ASTN2: variants seen among roughly 807,000 people sequenced by gnomAD.
The protein encoded by ASTN2 is astrotactin-2.
In ASTN2, 54 loss-of-function variants were observed where a neutral mutation model predicts 139.8. That is an observed-to-expected ratio of 0.39 (90% CI 0.31 to 0.48). The LOEUF (loss-of-function observed/expected upper bound fraction) is 0.48, where lower values mean the gene tolerates loss of function less well. ASTN2 is among the 20% of genes least tolerant of loss of function. The pLI, the probability that ASTN2 is intolerant of heterozygous loss-of-function variation, is 0.95. For missense variants in ASTN2, 1,565 were observed against 1,725.1 expected, an observed-to-expected ratio of 0.91 and a Z score of 1.64; for synonymous variants, 756 against 719.5, an observed-to-expected ratio of 1.05 and a Z score of -0.81.
intron 5 of ASTN2, among the ~76,000 whole-genome samples, chr9:117,045,565 C>T (rs369339810): frequency 2.6e-5 from 4 of 152,118 alleles, no homozygotes; most frequent in Non-Finnish European, 4.4e-5. Context: ...TTAAGAAATT[C>T]GACCGGAAAT....
chr9:116,884,961 G>A (rs1243022785), intron 10 of ASTN2, among the ~76,000 whole-genome samples: 8 of 151,522 alleles, frequency 5.3e-5, no homozygotes, highest in Non-Finnish European at 1.0e-4. Context: ...GATTACAGGC[G>A]CCCGCCACTG....
chr9:116,806,494 A>T (rs1409421453), intron 12 of ASTN2, among the ~76,000 whole-genome samples: 2 of 152,226 alleles, frequency 1.3e-5, no homozygotes, highest in African/African-American at 4.8e-5. Flanking sequence ...TGGGGCAAGA[A>T]ATCAGAGATC....
At chr9:116,503,061 G>A (rs1406414921) in intron 19 of ASTN2, among the ~76,000 whole-genome samples, 2 of 147,734 alleles carry the variant, frequency 1.4e-5, no homozygotes, top group East Asian at 2.0e-4. Context: ...AAGGAAGAAA[G>A]GAAGGAAGGA....
intron 1 of ASTN2, among the ~76,000 whole-genome samples, chr9:117,345,146 C>A (rs1240072913): frequency 1.3e-5 from 2 of 152,084 alleles, no homozygotes; most frequent in East Asian, 3.9e-4. Flanking sequence ...AGGAGCCAAG[C>A]CTGTAGTTAA....
chr9:116,453,593 C>CAAAAAAAAAAAAAAAAAAAAA (rs386416019), intron 20 of ASTN2, among the ~76,000 whole-genome samples: 4 of 58,794 alleles, frequency 6.8e-5, no homozygotes, highest in South Asian at 1.3e-3. Context: ...GACTCCGTCT[C>CAAAAAAAAAAAAAAAAAAAAA]AAAAAAAAAA....
At chr9:117,113,541 A>G (rs538416695) in intron 4 of ASTN2, among the ~76,000 whole-genome samples, 2 of 152,206 alleles carry the variant, frequency 1.3e-5, no homozygotes, top group South Asian at 4.1e-4. Context: ...CTGTAATCCT[A>G]GCTACTAGGG....
chr9:117,378,113 T>C (rs1830172880), intron 1 of ASTN2, among the ~76,000 whole-genome samples: 1 of 152,200 alleles, frequency 6.6e-6, no homozygotes, highest in African/African-American at 2.4e-5. Flanking sequence ...AAAGTATAAA[T>C]TAAACAATGA....
rs947721249 is a variant in ASTN2, at chr9:116,710,461, G to A, written c.2806+15310C>T. 6.6e-5 allele frequency among the ~76,000 whole-genome samples: 10 copies of A among 151,064 alleles called. No individual in the cohort carries two copies. The South Asian group carries it at 1.9e-3, about 29-fold the overall frequency. ...ATGACAATTTCAGACCAGGTGCAGT[G>A]AGCTCACGCCTGTAATCACAGCATT... On this transcript the variant is annotated intron_variant, in intron 16 of 22. Coordinates refer to ENST00000313400, the MANE Select transcript of ASTN2 (RefSeq NM_001365068.1).
intron 13 of ASTN2, among the ~76,000 whole-genome samples, chr9:116,741,087 C>T (rs1413110603): frequency 1.3e-5 from 2 of 152,066 alleles, no homozygotes; most frequent in South Asian, 2.1e-4. Context: ...CAAAGACAAA[C>T]AAGGGAAGCT....
chr9:117,219,403 G>A (rs888861357), intron 2 of ASTN2, among the ~76,000 whole-genome samples: 1 of 152,192 alleles, frequency 6.6e-6, no homozygotes, highest in African/African-American at 2.4e-5. Context: ...AAGGGGAGCT[G>A]AGGAGGAAGA....
chr9:117,358,678 C>T (rs373542139), intron 1 of ASTN2, among the ~76,000 whole-genome samples: 1 of 152,134 alleles, frequency 6.6e-6, no homozygotes, highest in South Asian at 2.1e-4. Flanking sequence ...TCAGCATCTG[C>T]TCTCTAGTAG....
intron 1 of ASTN2, among the ~76,000 whole-genome samples, chr9:117,317,819 C>T (rs557393470): frequency 1.7e-4 from 26 of 152,198 alleles, no homozygotes; most frequent in Non-Finnish European, 3.4e-4. Flanking sequence ...AGTGCACTCA[C>T]AGGTCAGTGC....
intron 2 of ASTN2, among the ~76,000 whole-genome samples, chr9:117,258,478 G>A (rs1833743915): frequency 2.0e-5 from 3 of 152,204 alleles, no homozygotes; most frequent in Non-Finnish European, 4.4e-5. Context: ...ACAGTTTGCA[G>A]CAAAGGAGGT....
At chr9:116,563,915 T>C (rs1290916316) in intron 19 of ASTN2, among the ~76,000 whole-genome samples, 3 of 152,192 alleles carry the variant, frequency 2.0e-5, no homozygotes, top group Non-Finnish European at 4.4e-5. Context: ...TCAATAGATA[T>C]TTGTTGAATA....
At chr9:116,669,193 A>G (rs1859043754) in intron 16 of ASTN2, among the ~76,000 whole-genome samples, 1 of 152,154 alleles carries the variant, frequency 6.6e-6, no homozygotes, top group Admixed American at 6.5e-5. Flanking sequence ...TGTCCCATGA[A>G]CCAGAAGTTA....
intron 3 of ASTN2, among the ~76,000 whole-genome samples, chr9:117,159,905 C>T (rs1292168027): frequency 6.6e-6 from 1 of 152,042 alleles, no homozygotes; most frequent in Non-Finnish European, 1.5e-5. Context: ...TCAGATTAGT[C>T]TGGCTAGGCT....
chr9:117,004,168 A>G (rs1367923192), intron 7 of ASTN2, among the ~76,000 whole-genome samples: 3 of 152,064 alleles, frequency 2.0e-5, no homozygotes, highest in African/African-American at 7.2e-5. Context: ...TGCTCAGGCT[A>G]CAGTGCAGTA....
At chr9:116,592,681 T>C (rs1471858576) in intron 19 of ASTN2, among the ~76,000 whole-genome samples, 20 of 152,196 alleles carry the variant, frequency 1.3e-4, no homozygotes, top group Admixed American at 1.3e-3. Flanking sequence ...GAGGGGTGAC[T>C]ATATGCATTT....
intron 11 of ASTN2, among the ~76,000 whole-genome samples, chr9:116,850,769 T>C (rs758216894): frequency 2.6e-5 from 4 of 152,142 alleles, no homozygotes; most frequent in Admixed American, 6.6e-5. Flanking sequence ...CAAGGGTTGG[T>C]ACCAGCTGGA....
Sources: allele counts gnomAD v4.1 joint callset (sites outside exome capture counted in the v4.1 genomes callset), GRCh38; gene constraint gnomAD v4.1.1; transcripts MANE v1.5; gene names NCBI Gene and HGNC (gene_info 2026-07-23, HGNC 2026-07-21).